Variants in DLGAP4 observed in about 807,000 individuals in gnomAD.
DLGAP4 encodes the protein DLG associated protein 4.
DLGAP4 carries 18 observed loss-of-function variants against 86.9 expected under a neutral mutation model. The ratio of observed to expected loss-of-function variants is 0.21; its 90% CI spans 0.14 to 0.31. The LOEUF is 0.31. Among genes scored for constraint, DLGAP4 ranks in the 10% least tolerant of loss-of-function variants. The pLI is 1.00. For synonymous variants in DLGAP4, 548 were observed against 574.3 expected (o/e 0.95, Z 0.65); for missense variants, 1,085 against 1,362.6 (o/e 0.80, Z 3.21).
chr20:36,501,777 A>C (rs1237648833), intron 10 of DLGAP4, among the ~76,000 whole-genome samples: 4 of 152,230 alleles, frequency 2.6e-5, no homozygotes. Context: ...AAGACTCATC[A>C]GAGTCATTGT....
At chr20:36,332,024 G>A (rs894110476) in intron 1 of DLGAP4, among the ~76,000 whole-genome samples, 22 of 152,176 alleles carry the variant, frequency 1.4e-4, no homozygotes, top group Non-Finnish European at 2.5e-4. Context: ...CAGGGGGTGC[G>A]TCTAGCCATA....
chr20:36,479,934 C>T (rs545597405), intron 7 of DLGAP4, among the ~76,000 whole-genome samples: 1 of 152,220 alleles, frequency 6.6e-6, no homozygotes, highest in East Asian at 1.9e-4. Flanking sequence ...GGCAGCAGCT[C>T]CGTGGGCCCT....
chr20:36,381,784 G>A (rs1382332454), intron 2 of DLGAP4, among the ~76,000 whole-genome samples: 1 of 152,098 alleles, frequency 6.6e-6, no homozygotes, highest in African/African-American at 2.4e-5. Flanking sequence ...GATGATGGTG[G>A]GTGTCTCATA....
chr20:36,441,441 G>A (rs1434293971), intron 5 of DLGAP4, among the ~76,000 whole-genome samples: 1 of 152,162 alleles, frequency 6.6e-6, no homozygotes, highest in Non-Finnish European at 1.5e-5. Flanking sequence ...CTTGTCTAAA[G>A]TAGCCTTCCC....
chr20:36,492,807 T>G (rs2035724096), intron 7 of DLGAP4: 1 of 152,212 alleles, frequency 6.6e-6, no homozygotes, highest in African/African-American at 2.4e-5. Flanking sequence ...GCTTCCGTTT[T>G]CTGATCTAGG....
chr20:36,518,682 C>CA (rs1416438444), intron 10 of DLGAP4, among the ~76,000 whole-genome samples: 1 of 151,884 alleles, frequency 6.6e-6, no homozygotes, highest in Non-Finnish European at 1.5e-5. Flanking sequence ...ATATTAATGT[C>CA]AAAAAACATG....
chr20:36,342,749 G>A (rs111468924), intron 1 of DLGAP4, among the ~76,000 whole-genome samples: 4,951 of 152,282 alleles, frequency 0.033, 104 homozygotes, highest in Non-Finnish European at 0.048. Context: ...GGCCTTTGCT[G>A]GCAGAGAGGC....
At chr20:36,525,544 G>A in intron 11 of DLGAP4, 1 of 435,282 alleles carries the variant, frequency 2.3e-6, no homozygotes, top group Admixed American at 3.4e-5. Context: ...GTCACACCAT[G>A]GCCAAGAACT....
In DLGAP4 at chr20:36,522,573, C is replaced by T. The variant is rs914074503; in HGVS notation, c.2513-1677C>T. Among the ~76,000 whole-genome samples the T allele has an allele frequency of 3.3e-5, 5 of 152,226 alleles. No homozygotes were observed. The South Asian group carries it at 6.2e-4, about 19-fold the overall frequency. ...TCTTACTCTGCCACCCACGCTGGAG[C>T]GTAGTGGGCGTGATCTTGGCTCACT... On this transcript the variant is annotated intron_variant, in intron 10 of 12. Coordinates refer to ENST00000339266, the MANE Select transcript of DLGAP4 (RefSeq NM_001365621.2).
At chr20:36,404,892 G>A (rs2032269987) in intron 2 of DLGAP4, among the ~76,000 whole-genome samples, 1 of 152,204 alleles carries the variant, frequency 6.6e-6, no homozygotes, top group Non-Finnish European at 1.5e-5. Flanking sequence ...AGCAGCCTCT[G>A]CACGGTTCAG....
At chr20:36,510,219 C>T (rs1235957641) in intron 10 of DLGAP4, among the ~76,000 whole-genome samples, 1 of 152,008 alleles carries the variant, frequency 6.6e-6, no homozygotes, top group Non-Finnish European at 1.5e-5. Context: ...TGTTCTGTTC[C>T]TCTTTTGGCT....
intron 6 of DLGAP4, among the ~76,000 whole-genome samples, chr20:36,444,605 G>T (rs1180374664): frequency 6.6e-6 from 1 of 151,130 alleles, no homozygotes; most frequent in African/African-American, 2.4e-5. Flanking sequence ...AGTCAAATGT[G>T]GCTCCTGTGA....
intron 2 of DLGAP4, among the ~76,000 whole-genome samples, chr20:36,381,467 A>G (rs1346326190): frequency 2.6e-5 from 4 of 152,246 alleles, no homozygotes; most frequent in Admixed American, 6.5e-5. Flanking sequence ...TACCATGTAC[A>G]AGACTCTGGA....
chr20:36,438,083 A>T (rs915993151), intron 4 of DLGAP4, among the ~76,000 whole-genome samples: 2 of 152,004 alleles, frequency 1.3e-5, no homozygotes, highest in South Asian at 4.1e-4. Flanking sequence ...TTTTTAAATA[A>T]TTTTTTGTGA....
At chr20:36,506,984 G>A (rs973445692) in intron 10 of DLGAP4, among the ~76,000 whole-genome samples, 10 of 152,196 alleles carry the variant, frequency 6.6e-5, no homozygotes, top group African/African-American at 1.9e-4. Flanking sequence ...CATAGCATGT[G>A]TCACAATTCC....
intron 1 of DLGAP4, among the ~76,000 whole-genome samples, chr20:36,323,924 C>A (rs782460094): frequency 6.6e-6 from 1 of 152,228 alleles, no homozygotes; most frequent in Non-Finnish European, 1.5e-5. Flanking sequence ...TCCTGCTCTG[C>A]AGCCCAGTTC....
At chr20:36,462,443 G>T in intron 7 of DLGAP4, 1 of 1,527,482 alleles carries the variant, frequency 6.5e-7, no homozygotes, top group Non-Finnish European at 8.7e-7. Context: ...CTTTGCCTGG[G>T]GCCCTTGGCC....
chr20:36,315,777 C>A (rs2065093557), intron 1 of DLGAP4, among the ~76,000 whole-genome samples: 1 of 152,144 alleles, frequency 6.6e-6, no homozygotes, highest in African/African-American at 2.4e-5. Context: ...ACAATGCTCT[C>A]CTGGCCGACC....
In DLGAP4 at chr20:36,473,478, C is replaced by T. The variant is rs140124079; in HGVS notation, c.1649-23227C>T. 6.7e-3 allele frequency among the ~76,000 whole-genome samples: 1,024 copies of T among 152,276 alleles called. 10 individuals are homozygous for T. The highest frequency in any genetic ancestry group is 0.019 in the South Asian group (90 of 4,828). Reference sequence around the variant, plus strand: ...GCTGGTGAGAGAGTATCGTAACACCCAGTTTGGTTGGCCTGTGTCTTTCAG... The same window carrying T: ...GCTGGTGAGAGAGTATCGTAACACCTAGTTTGGTTGGCCTGTGTCTTTCAG... On this transcript the variant is annotated intron_variant, in intron 7 of 12. Transcript: ENST00000339266.
Sources: allele counts gnomAD v4.1 joint callset (sites outside exome capture counted in the v4.1 genomes callset), GRCh38; gene constraint gnomAD v4.1.1; transcripts MANE v1.5; gene names NCBI Gene and HGNC (gene_info 2026-07-23, HGNC 2026-07-21).